WDR4: variants seen among roughly 807,000 people sequenced by gnomAD.
The protein encoded by WDR4 is tRNA (guanine-N(7)-)-methyltransferase non-catalytic subunit WDR4.
Under a neutral mutation model 48.6 loss-of-function variants are expected in WDR4, and 47 were observed. That is an observed-to-expected ratio of 0.97 (90% CI 0.77 to 1.23). The LOEUF (loss-of-function observed/expected upper bound fraction) is 1.23, where lower values mean the gene tolerates loss of function less well. Ranked by LOEUF, WDR4 falls within the 50% of genes most tolerant of loss-of-function variation. WDR4 has a pLI of 0.00. For missense variants in WDR4, 606 were observed against 551.6 expected (o/e 1.10, Z -0.99); for synonymous variants, 268 against 230.0 (o/e 1.17, Z -1.49).
chr21:42,851,819 C>G (rs937947945), intron 10 of WDR4, among the ~76,000 whole-genome samples: 1 of 152,202 alleles, frequency 6.6e-6, no homozygotes, highest in Admixed American at 6.5e-5. Flanking sequence ...CTGAAGACCC[C>G]CGGGGCCTCT....
At chr21:42,868,017 T>C (rs2058287063) in intron 3 of WDR4, among the ~76,000 whole-genome samples, 1 of 152,172 alleles carries the variant, frequency 6.6e-6, no homozygotes, top group Admixed American at 6.5e-5. Flanking sequence ...CAGCGGTATC[T>C]GCATCCACCA....
chr21:42,861,645 T>C (rs1449722924), intron 5 of WDR4, among the ~76,000 whole-genome samples: 1 of 152,186 alleles, frequency 6.6e-6, no homozygotes, highest in Non-Finnish European at 1.5e-5. Context: ...CTGGCCTTCT[T>C]AAACAGGAAA....
intron 7 of WDR4, 121 bp downstream of exon 7, chr21:42,855,561 A>C (rs759877144): frequency 1.9e-4 from 130 of 686,858 alleles, no homozygotes; most frequent in Non-Finnish European, 3.0e-4. Context: ...TCCCTCACAC[A>C]GGAGGAAGTC....
At chr21:42,865,425 G>A (rs1220119573) in intron 3 of WDR4, among the ~76,000 whole-genome samples, 2 of 152,110 alleles carry the variant, frequency 1.3e-5, no homozygotes, top group Non-Finnish European at 2.9e-5. Flanking sequence ...GATGGACTTG[G>A]ACTCACAGGG....
intron 3 of WDR4, among the ~76,000 whole-genome samples, chr21:42,866,627 G>A (rs1263452680): frequency 6.6e-6 from 1 of 152,078 alleles, no homozygotes; most frequent in Non-Finnish European, 1.5e-5. Flanking sequence ...TGCCAGCTCA[G>A]CATGGTTCCA....
At chr21:42,879,256 G>A (rs1460955086) in intron 1 of WDR4, 151 bp downstream of exon 1, 1 of 1,368,770 alleles carries the variant, frequency 7.3e-7, no homozygotes, top group African/African-American at 1.5e-5. Context: ...GCCAGGCCGA[G>A]ACTGCGGCGG....
chr21:42,845,185 G>A (rs2057700336), downstream of WDR4, among the ~76,000 whole-genome samples: 1 of 152,370 alleles, frequency 6.6e-6, no homozygotes, highest in South Asian at 2.1e-4. Flanking sequence ...AGAGAGGGAA[G>A]TCAGCAAAGT....
intron 2 of WDR4, 91 bp from the exon 3 acceptor site, chr21:42,873,782 A>T: frequency 6.7e-7 from 1 of 1,492,686 alleles, no homozygotes; most frequent in South Asian, 1.3e-5. Flanking sequence ...CTAACATGGG[A>T]GGAGGTAGAA....
At chr21:42,852,941 A>G (rs1486549265) in intron 9 of WDR4, among the ~76,000 whole-genome samples, 1 of 151,868 alleles carries the variant, frequency 6.6e-6, no homozygotes, top group African/African-American at 2.4e-5. Context: ...GTGCTTCCAA[A>G]GTGCTCAACT....
At chr21:42,879,857 A>T, upstream of WDR4, 1 of 402,408 alleles carries the variant, frequency 2.5e-6, no homozygotes, top group Non-Finnish European at 4.4e-6. Context: ...GATGGCTACT[A>T]GATGCCTGGT....
chr21:42,870,988 C>G (rs1374335237), intron 3 of WDR4, among the ~76,000 whole-genome samples: 1 of 152,164 alleles, frequency 6.6e-6, no homozygotes, highest in Non-Finnish European at 1.5e-5. Flanking sequence ...CCTGACCTAC[C>G]TAGGACCTCA....
At chr21:42,886,546 G>A in the WDR4 span, among the ~76,000 whole-genome samples, 1 of 152,178 alleles carries the variant, frequency 6.6e-6, no homozygotes, top group Non-Finnish European at 1.5e-5. Context: ...GTTTCTAGAT[G>A]TTCCATGGGC....
At chr21:42,890,452 C>G in the WDR4 span, among the ~76,000 whole-genome samples, 1 of 152,248 alleles carries the variant, frequency 6.6e-6, no homozygotes, top group Non-Finnish European at 1.5e-5. Context: ...AGAAGAATCT[C>G]TTGAACCCAG....
the WDR4 span, among the ~76,000 whole-genome samples, chr21:42,887,163 T>C: frequency 6.6e-6 from 1 of 152,060 alleles, no homozygotes; most frequent in Non-Finnish European, 1.5e-5. Flanking sequence ...CGGCTAATTT[T>C]GTATTTTTAG....
In WDR4 at chr21:42,862,335, G is replaced by C. The variant is rs770468458; in HGVS notation, c.513C>G (p.Val171=). 1.2e-6 allele frequency: 2 copies of C among 1,612,124 alleles called. No homozygotes were observed. The highest frequency in any genetic ancestry group is 4.5e-5 in the East Asian group (2 of 44,844). Residue 171 remains valine, a synonymous_variant, in exon 5 of 11, where the codon GTC becomes GTG. Coordinates refer to ENST00000398208, the MANE Select transcript of WDR4 (RefSeq NM_018669.6). The surrounding 1 kb of genome is among the most constrained non-coding windows in gnomAD (Gnocchi z 4.3). The stretch of plus-strand genomic sequence containing the variant: ...TGCTATGGGGCGCCGCGGCCCAGCT[G>C]ACTCGGATCTTCTCGTCCCGGTCGG... ...LTADRDEKIR[V]SWAAAPHSIE... is the part of the protein sequence containing the mutation.
chr21:42,855,720 C>G lies in WDR4; in HGVS notation c.688G>C (p.Ala230Pro), dbSNP rs1273776018. 1 of 1,555,672 alleles carries G rather than the reference C, an allele frequency of 6.4e-7. No homozygotes were observed. The highest frequency in any genetic ancestry group is 1.2e-5 in the South Asian group (1 of 84,332). ...SGRQLHCCHL[A>P]SLQELVDPQA... ...GGGTCCACCAGCTCCTGCAGACTGGCCAGGTGACAGCAGTGCAGCTGGCGG... is the reference window on the plus strand; with the variant it reads ...GGGTCCACCAGCTCCTGCAGACTGGGCAGGTGACAGCAGTGCAGCTGGCGG... Residue 230 changes from alanine to proline, a missense_variant, in exon 7 of 11, where the codon GCC (alanine) becomes CCC (proline). Ala to Pro is a conservative substitution (Grantham distance 27). Transcript: ENST00000398208.
At chr21:42,885,061 C>T in the WDR4 span, among the ~76,000 whole-genome samples, 1 of 152,234 alleles carries the variant, frequency 6.6e-6, no homozygotes, top group African/African-American at 2.4e-5. Flanking sequence ...CAGGCGTGAA[C>T]CAACGCATCT....
upstream of WDR4, chr21:42,879,981 T>A (rs911909035): frequency 2.6e-6 from 1 of 390,782 alleles, no homozygotes; most frequent in Non-Finnish European, 4.5e-6. Flanking sequence ...AGTACAAAAA[T>A]TTGTTGGGCG....
chr21:42,850,324 G>T, intron 10 of WDR4, 82 bp from the exon 11 acceptor site: 2 of 1,321,886 alleles, frequency 1.5e-6, no homozygotes, highest in East Asian at 2.5e-5. Flanking sequence ...CTGCAGCAGG[G>T]AGTTACCTCG....
Sources: gnomAD v4.1 joint callset for allele counts (sites outside exome capture counted in the v4.1 genomes callset) on GRCh38, gnomAD v4.1.1 for gene constraint, Gnocchi (gnomAD v3.1) non-coding constraint, MANE v1.5 for transcripts, NCBI Gene and HGNC (gene_info 2026-07-23, HGNC 2026-07-21) for gene names.